Variants in KCNH7 observed in about 807,000 individuals in gnomAD.
The protein encoded by KCNH7 is potassium voltage-gated channel subfamily H member 7.
A neutral mutation model predicts 120.8 loss-of-function variants in KCNH7; 49 were observed. The ratio of observed to expected loss-of-function variants is 0.41; its 90% CI spans 0.32 to 0.51. The LOEUF is 0.51. Among genes scored for constraint, KCNH7 ranks in the 20% least tolerant of loss-of-function variants. KCNH7 has a pLI of 0.38. For synonymous variants in KCNH7, 547 were observed against 516.1 expected (o/e 1.06, Z -0.81); for missense variants, 1,097 against 1,446.6 (o/e 0.76, Z 3.92).
intron 2 of KCNH7, among the ~76,000 whole-genome samples, chr2:162,819,282 T>C (rs1047914437): frequency 6.6e-6 from 1 of 152,188 alleles, no homozygotes; most frequent in African/African-American, 2.4e-5. Context: ...TTCCTTATTA[T>C]TAGAAAATAA....
chr2:162,722,225 TA>T (rs1431922772), intron 2 of KCNH7, among the ~76,000 whole-genome samples: 3 of 151,956 alleles, frequency 2.0e-5, no homozygotes, highest in African/African-American at 7.2e-5. Context: ...TAGTTTAAGG[TA>T]GATATAGTGA....
intron 14 of KCNH7, among the ~76,000 whole-genome samples, chr2:162,374,668 T>C (rs1054466777): frequency 2.6e-5 from 4 of 152,182 alleles, no homozygotes; most frequent in African/African-American, 9.6e-5. Flanking sequence ...AGCTTTTGAT[T>C]TGATAGAGAA....
chr2:162,470,954 C>T (rs1472651560), intron 6 of KCNH7, among the ~76,000 whole-genome samples: 2 of 152,214 alleles, frequency 1.3e-5, no homozygotes, highest in African/African-American at 2.4e-5. Flanking sequence ...ACCCCCAACC[C>T]TGTGCCCTCT....
intron 2 of KCNH7, among the ~76,000 whole-genome samples, chr2:162,701,871 G>T (rs2105344437): frequency 6.6e-6 from 1 of 152,184 alleles, no homozygotes; most frequent in South Asian, 2.1e-4. Flanking sequence ...GCAGGGCATG[G>T]TGGTACATGC....
intron 2 of KCNH7, among the ~76,000 whole-genome samples, chr2:162,658,198 TTTTA>T (rs1425718688): frequency 6.6e-6 from 1 of 151,934 alleles, no homozygotes; most frequent in Non-Finnish European, 1.5e-5. Flanking sequence ...ATTGTTATTT[TTTTA>T]TTTGTGTGGA....
intron 2 of KCNH7, among the ~76,000 whole-genome samples, chr2:162,799,386 TA>T (rs1223158462): frequency 3.3e-5 from 5 of 151,996 alleles, no homozygotes; most frequent in African/African-American, 1.2e-4. Flanking sequence ...ACATCTTTGT[TA>T]AAACAGTAAT....
intron 3 of KCNH7, among the ~76,000 whole-genome samples, chr2:162,528,625 T>C (rs1255021608): frequency 1.3e-5 from 2 of 151,994 alleles, no homozygotes; most frequent in Non-Finnish European, 2.9e-5. Context: ...TATATCATGA[T>C]AGGCGGATTG....
At chr2:162,594,177 G>A (rs897625602) in intron 2 of KCNH7, among the ~76,000 whole-genome samples, 11 of 152,044 alleles carry the variant, frequency 7.2e-5, no homozygotes, top group Admixed American at 2.6e-4. Context: ...CCTTTCAAGC[G>A]TCTTTAAAAG....
At chr2:162,656,125 T>C (rs1361318952) in intron 2 of KCNH7, among the ~76,000 whole-genome samples, 1 of 152,230 alleles carries the variant, frequency 6.6e-6, no homozygotes, top group Non-Finnish European at 1.5e-5. Flanking sequence ...ATATTTTAAA[T>C]GTTCTCTTTT....
intron 2 of KCNH7, among the ~76,000 whole-genome samples, chr2:162,809,126 A>G (rs1559143898): frequency 6.6e-6 from 1 of 152,220 alleles, no homozygotes; most frequent in Admixed American, 6.5e-5. Flanking sequence ...TAAGATAATT[A>G]TTTTCATTGA....
At chr2:162,705,637 A>G (rs1347199275) in intron 2 of KCNH7, among the ~76,000 whole-genome samples, 1 of 152,102 alleles carries the variant, frequency 6.6e-6, no homozygotes, top group Non-Finnish European at 1.5e-5. Flanking sequence ...ACTTATTATT[A>G]TCTTTGAGCT....
chr2:162,590,398 A>G (rs1166934641), intron 2 of KCNH7, among the ~76,000 whole-genome samples: 1 of 152,116 alleles, frequency 6.6e-6, no homozygotes, highest in Non-Finnish European at 1.5e-5. Context: ...GGAGACAAAA[A>G]CAGAAAGGGT....
chr2:162,682,990 A>G (rs2105315799), intron 2 of KCNH7, among the ~76,000 whole-genome samples: 1 of 151,924 alleles, frequency 6.6e-6, no homozygotes, highest in South Asian at 2.1e-4. Flanking sequence ...TAATTTTTTT[A>G]TTTCTTCTTC....
At chr2:162,816,646 G>A (rs942759483) in intron 2 of KCNH7, among the ~76,000 whole-genome samples, 3 of 152,120 alleles carry the variant, frequency 2.0e-5, no homozygotes, top group Admixed American at 1.3e-4. Flanking sequence ...ATTCACCACT[G>A]CTATAAGAAA....
At chr2:162,630,897 C>A (rs79298300) in intron 2 of KCNH7, among the ~76,000 whole-genome samples, 1 of 152,062 alleles carries the variant, frequency 6.6e-6, no homozygotes, top group South Asian at 2.1e-4. Flanking sequence ...GGTGTTCTGC[C>A]AGTCTAATCT....
chr2:162,739,172 T>C (rs1273525761), intron 2 of KCNH7, among the ~76,000 whole-genome samples: 1 of 152,142 alleles, frequency 6.6e-6, no homozygotes, highest in Non-Finnish European at 1.5e-5. Context: ...TTGGTGCCCA[T>C]TTTCAATTAC....
At chr2:162,521,415 T>G (rs2105792892) in intron 3 of KCNH7, among the ~76,000 whole-genome samples, 1 of 152,036 alleles carries the variant, frequency 6.6e-6, no homozygotes, top group Non-Finnish European at 1.5e-5. Flanking sequence ...TGAGTAGAAC[T>G]CAATAGTTCA....
At chr2:162,648,768 AC>A (rs569249041) in intron 2 of KCNH7, among the ~76,000 whole-genome samples, 17 of 151,024 alleles carry the variant, frequency 1.1e-4, no homozygotes, top group South Asian at 4.2e-4. Context: ...GACCTTTACC[AC>A]CCCCCCAAAA....
intron 2 of KCNH7, among the ~76,000 whole-genome samples, chr2:162,778,946 C>CTTTTTTTTTTT (rs200107249): frequency 4.4e-5 from 6 of 136,492 alleles, no homozygotes; most frequent in Non-Finnish European, 6.4e-5. Flanking sequence ...GGAACAAATT[C>CTTTTTTTTTTT]TTTTTTTTTT....
Sources: allele counts gnomAD v4.1 joint callset (sites outside exome capture counted in the v4.1 genomes callset), GRCh38; gene constraint gnomAD v4.1.1; transcripts MANE v1.5; gene names NCBI Gene and HGNC (gene_info 2026-07-23, HGNC 2026-07-21).